The following NELL1 variants were observed in gnomAD, a reference collection of about 807,000 sequenced individuals.
NELL1 encodes neural EGFL like 1, also known as protein kinase C-binding protein NELL1.
Under a neutral mutation model 107.4 loss-of-function variants are expected in NELL1, and 76 were observed. The ratio of observed to expected loss-of-function variants is 0.71; its 90% CI spans 0.59 to 0.86. The LOEUF is 0.86. Ranked by LOEUF, NELL1 falls within the 40% of genes least tolerant of loss-of-function variation. NELL1 has a pLI of 0.00. For missense variants in NELL1, 1,024 were observed against 1,005.5 expected, an observed-to-expected ratio of 1.02 and a Z score of -0.25; for synonymous variants, 353 against 341.2, an observed-to-expected ratio of 1.03 and a Z score of -0.38.
Position 21,511,150 on chromosome 11 carries a change from ATTG to A in NELL1, c.1646-23218_1646-23216del, listed in dbSNP as rs148984195. Among the ~76,000 whole-genome samples, 2,165 of 152,226 alleles carry A rather than the reference ATTG, an allele frequency of 0.014. 147 individuals carry two copies. In the East Asian group the frequency reaches 0.23, roughly 16 times the overall value. Reference sequence around the variant, plus strand: ...CAGAGTGTGTGCTAGGTGTTGTGTTATTGTTGTTAATCACTATTATTACTGAGA... The same window carrying A: ...CAGAGTGTGTGCTAGGTGTTGTGTTATTGTTAATCACTATTATTACTGAGA... On this transcript the variant is annotated intron_variant, in intron 15 of 19. Transcript: ENST00000357134.
intron 15 of NELL1, among the ~76,000 whole-genome samples, chr11:21,383,142 T>A (rs968206398): frequency 6.6e-6 from 1 of 152,004 alleles, no homozygotes; most frequent in Admixed American, 6.6e-5. Flanking sequence ...CTAGTAGGAC[T>A]GACTGAATGA....
intron 5 of NELL1, among the ~76,000 whole-genome samples, chr11:20,898,423 G>C (rs1849798611): frequency 6.6e-6 from 1 of 151,976 alleles, no homozygotes; most frequent in Non-Finnish European, 1.5e-5. Context: ...CCTGTCATGG[G>C]GTGGGGGGAA....
At chr11:21,119,642 T>A (rs1188608575) in intron 13 of NELL1, among the ~76,000 whole-genome samples, 1 of 152,028 alleles carries the variant, frequency 6.6e-6, no homozygotes, top group Admixed American at 6.6e-5. Flanking sequence ...GCCTTGGAAT[T>A]TTCGTGTGGA....
At chr11:21,446,544 T>C (rs897095056) in intron 15 of NELL1, among the ~76,000 whole-genome samples, 2 of 152,210 alleles carry the variant, frequency 1.3e-5, no homozygotes, top group Non-Finnish European at 2.9e-5. Context: ...TTTGTCAATG[T>C]AGCCATATCT....
In NELL1 at chr11:20,677,805, A is replaced by G. The variant is rs555938331; in HGVS notation, c.56-127A>G. ...AGATTTGCTTTTCTTTTCCCTCCAT[A>G]GACAAAGACTCTCCAAGCACTCATC... On this transcript the variant is annotated intron_variant, in intron 1 of 19. Coordinates refer to ENST00000357134, the MANE Select transcript of NELL1 (RefSeq NM_006157.5). The G allele has an allele frequency of 1.6e-4, 177 of 1,074,190 alleles. 1 individual carries two copies. The highest frequency in any genetic ancestry group is 2.3e-4 in the Non-Finnish European group (165 of 730,984). 66.5% of individuals were successfully genotyped at this position (1,074,190 alleles called of 1,614,324 possible). A position where few individuals can be genotyped will look rare whatever the true frequency, so the allele number is the denominator to read the frequency against.
At chr11:21,102,482 A>G (rs924021288) in intron 12 of NELL1, among the ~76,000 whole-genome samples, 14 of 152,188 alleles carry the variant, frequency 9.2e-5, no homozygotes, top group African/African-American at 2.9e-4. Flanking sequence ...GTATGACCTT[A>G]GACTAGTTGC....
chr11:21,269,374 T>A (rs34990347), intron 14 of NELL1, among the ~76,000 whole-genome samples: 2,100 of 149,404 alleles, frequency 0.014, 49 homozygotes, highest in East Asian at 0.11. Flanking sequence ...TCTCTCTCTC[T>A]CTCACACACA....
chr11:21,135,292 A>T (rs957979437), intron 13 of NELL1, among the ~76,000 whole-genome samples: 35 of 152,196 alleles, frequency 2.3e-4, no homozygotes, highest in African/African-American at 7.7e-4. Flanking sequence ...CTTAGGTATG[A>T]TGATGATTAT....
At chr11:21,024,940 C>T (rs187179499) in intron 12 of NELL1, among the ~76,000 whole-genome samples, 3 of 152,220 alleles carry the variant, frequency 2.0e-5, no homozygotes, top group African/African-American at 7.2e-5. Flanking sequence ...AGTGTTTCTT[C>T]ATCTCAATCT....
At chr11:21,395,940 G>T (rs1590897002) in intron 15 of NELL1, among the ~76,000 whole-genome samples, 1 of 151,660 alleles carries the variant, frequency 6.6e-6, no homozygotes, top group East Asian at 2.0e-4. Flanking sequence ...CATTAGCTGG[G>T]ATGACATGTA....
intron 2 of NELL1, among the ~76,000 whole-genome samples, chr11:20,696,878 T>C (rs1854632518): frequency 6.6e-6 from 1 of 152,148 alleles, no homozygotes; most frequent in African/African-American, 2.4e-5. Flanking sequence ...GAAAGTGATA[T>C]ACATAAAACA....
intron 5 of NELL1, among the ~76,000 whole-genome samples, chr11:20,897,900 T>C (rs1849783419): frequency 1.3e-5 from 2 of 152,128 alleles, no homozygotes; most frequent in South Asian, 4.2e-4. Context: ...ATGGCGATCA[T>C]TAAAAAGTCA....
intron 2 of NELL1, among the ~76,000 whole-genome samples, chr11:20,721,116 A>T (rs1271614568): frequency 6.7e-6 from 1 of 149,630 alleles, no homozygotes; most frequent in Non-Finnish European, 1.5e-5. Flanking sequence ...GCTTCCAACA[A>T]TACAGTCTCC....
rs545828804 is a variant in NELL1, at chr11:20,809,068, G to A, written c.335+25238G>A. On this transcript the variant is annotated intron_variant, in intron 3 of 19. Transcript: ENST00000357134. ...AGATAATTGTTGTAGGCTTCTATTC[G>A]GTCATCTTGCTTCACCTCCTCCTGA... Among the ~76,000 whole-genome samples the A allele has an allele frequency of 1.8e-4, 27 of 152,150 alleles. No individual in the cohort carries two copies. In the East Asian group the frequency reaches 4.3e-3, roughly 24 times the overall value.
intron 14 of NELL1, among the ~76,000 whole-genome samples, chr11:21,246,430 G>A (rs1565128921): frequency 6.6e-6 from 1 of 152,106 alleles, no homozygotes; most frequent in African/African-American, 2.4e-5. Flanking sequence ...CAGACATTTC[G>A]AGCATGGACA....
At chr11:21,359,730 T>C (rs1355067197) in intron 14 of NELL1, among the ~76,000 whole-genome samples, 1 of 152,208 alleles carries the variant, frequency 6.6e-6, no homozygotes, top group Non-Finnish European at 1.5e-5. Context: ...GGGGTGTATA[T>C]TTCCAGGAAC....
At chr11:21,138,758 ATC>A (rs1375109612) in intron 13 of NELL1, among the ~76,000 whole-genome samples, 1 of 152,168 alleles carries the variant, frequency 6.6e-6, no homozygotes, top group African/African-American at 2.4e-5. Context: ...CAAGTCAGGA[ATC>A]TCTGAATTTT....
At chr11:21,178,344 A>C (rs1472802529) in intron 13 of NELL1, among the ~76,000 whole-genome samples, 2 of 151,962 alleles carry the variant, frequency 1.3e-5, no homozygotes, top group Non-Finnish European at 2.9e-5. Flanking sequence ...ACTGTAGAAT[A>C]TCCCAGAACA....
intron 7 of NELL1, among the ~76,000 whole-genome samples, chr11:20,924,576 A>C (rs1009032209): frequency 5.3e-5 from 8 of 152,202 alleles, no homozygotes; most frequent in African/African-American, 1.9e-4. Context: ...CCTGGATTTT[A>C]AGAAAGCTCA....
Sources: gnomAD v4.1 joint callset for allele counts (sites outside exome capture counted in the v4.1 genomes callset) on GRCh38, gnomAD v4.1.1 for gene constraint, MANE v1.5 for transcripts, NCBI Gene and HGNC (gene_info 2026-07-23, HGNC 2026-07-21) for gene names.